The following MBD5 variants were observed in gnomAD, a reference collection of about 807,000 sequenced individuals.
MBD5 encodes methyl-CpG-binding domain protein 5.
MBD5 carries 13 observed loss-of-function variants against 117.3 expected under a neutral mutation model. The observed-to-expected ratio is 0.11, with a 90% CI of 0.07 to 0.18. MBD5 has a LOEUF of 0.18. MBD5 is among the 10% of genes least tolerant of loss of function. The pLI, the probability that MBD5 is intolerant of heterozygous loss-of-function variation, is 1.00. For synonymous variants in MBD5, 727 were observed against 766.4 expected (o/e 0.95, Z 0.85); for missense variants, 1,879 against 2,093.8 (o/e 0.90, Z 2.00).
chr2:148,374,485 T>C (rs1703941926), intron 4 of MBD5, among the ~76,000 whole-genome samples: 1 of 152,198 alleles, frequency 6.6e-6, no homozygotes, highest in Non-Finnish European at 1.5e-5. Flanking sequence ...TTTTTATTAC[T>C]TCCATAAATT....
At chr2:148,076,601 T>G (rs1273217935) in intron 1 of MBD5, among the ~76,000 whole-genome samples, 1 of 152,204 alleles carries the variant, frequency 6.6e-6, no homozygotes, top group Non-Finnish European at 1.5e-5. Flanking sequence ...AGCTGTGAAG[T>G]TAGTCTTCTA....
At position 148,294,970 on chromosome 2, in the gene MBD5, C is replaced by T. The variant is rs78019809; in HGVS notation, c.-679-47244C>T. 2.6e-5 allele frequency among the ~76,000 whole-genome samples: 4 copies of T among 152,228 alleles called. No homozygotes were observed. In the East Asian group the frequency reaches 7.7e-4, roughly 29 times the overall value. On this transcript the variant is annotated intron_variant, in intron 3 of 13. Transcript: ENST00000642680. ...GTGAGAAATTATTTTTCTCTTACTG[C>T]GTTCAAGATTTTCTCTCCCTTGAAC...
At chr2:148,483,079 G>A (rs1681210188) in intron 8 of MBD5, 31 bp from the exon 9 acceptor site, 1 of 1,547,492 alleles carries the variant, frequency 6.5e-7, no homozygotes, top group Non-Finnish European at 8.6e-7. Flanking sequence ...ATTAATAACT[G>A]GGTTTTGTGT....
In MBD5 at chr2:148,490,018, A is replaced by G; in HGVS notation, c.4386A>G (p.Glu1462=). 1 of 1,614,042 alleles carries G rather than the reference A, an allele frequency of 6.2e-7. No individual in the cohort carries two copies. ...PGHIHSSPCH[E]RPNNVSTLPF... The stretch of plus-strand genomic sequence containing the variant: ...ATATCCACAGTAGTCCTTGTCATGA[A>G]AGGCCCAACAATGTCTCTACACTGC... The change falls in exon 11 of 14, where the codon GAA becomes GAG. Residue 1462 remains glutamate, a synonymous_variant. Coordinates refer to ENST00000642680, the MANE Select transcript of MBD5 (RefSeq NM_001378120.1).
intron 1 of MBD5, chr2:148,056,175 T>A (rs1314347905): frequency 6.6e-6 from 1 of 152,156 alleles, no homozygotes; most frequent in Non-Finnish European, 1.5e-5. Context: ...TGCAGTTGTC[T>A]TTTGTACATT....
At chr2:148,226,194 T>C (rs545067855) in intron 2 of MBD5, among the ~76,000 whole-genome samples, 6 of 152,204 alleles carry the variant, frequency 3.9e-5, no homozygotes, top group South Asian at 4.2e-4. Flanking sequence ...ATATGTGCCA[T>C]GTTGGTGTGC....
chr2:148,088,056 A>G (rs1343354310), intron 1 of MBD5, among the ~76,000 whole-genome samples: 4 of 152,190 alleles, frequency 2.6e-5, no homozygotes, highest in Non-Finnish European at 5.9e-5. Context: ...AGATAGACTT[A>G]GAGAAATACA....
chr2:148,426,383 A>G (rs200539353), intron 4 of MBD5, among the ~76,000 whole-genome samples: 36,005 of 150,164 alleles, frequency 0.24, 4,516 homozygotes, highest in African/African-American at 0.38. Context: ...GAGGCATCAC[A>G]CTACCTGACT....
intron 1 of MBD5, among the ~76,000 whole-genome samples, chr2:148,036,788 C>T (rs1694206802): frequency 6.6e-6 from 1 of 151,964 alleles, no homozygotes; most frequent in African/African-American, 2.4e-5. Flanking sequence ...TTTTGAACAG[C>T]ACTAGATTTA....
At position 148,226,234 on chromosome 2, in the gene MBD5, G is replaced by C. The variant is rs546473578; in HGVS notation, c.-830-7011G>C. ...CCCATTAACTTGTCATTTAGCATTAGGTATATCTCCTAATGCTATCCCTCC... is the reference window on the plus strand; with the variant it reads ...CCCATTAACTTGTCATTTAGCATTACGTATATCTCCTAATGCTATCCCTCC... On this transcript the variant is annotated intron_variant, in intron 2 of 13. Coordinates refer to ENST00000642680, the MANE Select transcript of MBD5 (RefSeq NM_001378120.1). Among the ~76,000 whole-genome samples, 204 of 151,902 alleles carry C rather than the reference G, an allele frequency of 1.3e-3. 1 individual carries two copies. The highest frequency in any genetic ancestry group is 2.0e-3 in the Non-Finnish European group (133 of 67,972).
intron 4 of MBD5, among the ~76,000 whole-genome samples, chr2:148,361,714 A>ATGGTGGTGGC (rs1458207423): frequency 1.3e-5 from 2 of 152,198 alleles, no homozygotes; most frequent in Non-Finnish European, 2.9e-5. Context: ...GAGCATCAAA[A>ATGGTGGTGGC]TGGTGGTGGC....
At chr2:148,376,720 A>G (rs1703997383) in intron 4 of MBD5, among the ~76,000 whole-genome samples, 1 of 141,714 alleles carries the variant, frequency 7.1e-6, no homozygotes, top group South Asian at 2.1e-4. Flanking sequence ...CCTATTATAT[A>G]TCTAATATAT....
chr2:148,217,026 C>T (rs1362781929), intron 2 of MBD5, among the ~76,000 whole-genome samples: 1 of 152,166 alleles, frequency 6.6e-6, no homozygotes, highest in Non-Finnish European at 1.5e-5. Context: ...TGCTGTCATA[C>T]CATAGATTCA....
chr2:148,445,689 C>G (rs1027189370), intron 4 of MBD5, among the ~76,000 whole-genome samples: 1 of 151,282 alleles, frequency 6.6e-6, no homozygotes, highest in East Asian at 1.9e-4. Flanking sequence ...ATTTCTAGTT[C>G]TAGATCCTTG....
intron 1 of MBD5, among the ~76,000 whole-genome samples, chr2:148,150,115 G>A (rs1190037833): frequency 8.3e-6 from 1 of 120,004 alleles, no homozygotes; most frequent in African/African-American, 3.1e-5. Context: ...ATTGATTTTT[G>A]TATAAGGTGT....
intron 1 of MBD5, among the ~76,000 whole-genome samples, chr2:148,042,892 C>G (rs1353544923): frequency 6.6e-6 from 1 of 152,094 alleles, no homozygotes; most frequent in East Asian, 1.9e-4. Flanking sequence ...TTAGGGCTTC[C>G]TGAGGCAATG....
intron 3 of MBD5, chr2:148,264,847 T>C (rs1219729051): frequency 4.6e-5 from 7 of 152,312 alleles, no homozygotes; most frequent in Admixed American, 4.6e-4. Flanking sequence ...GACTGCAGCT[T>C]CCATGAGTAA....
intron 1 of MBD5, among the ~76,000 whole-genome samples, chr2:148,033,521 C>A (rs1694100566): frequency 6.6e-6 from 1 of 152,006 alleles, no homozygotes; most frequent in Admixed American, 6.6e-5. Context: ...TAGTTTCTGT[C>A]TGTATTAAGT....
intron 11 of MBD5, among the ~76,000 whole-genome samples, chr2:148,492,938 G>T (rs1448839406): frequency 6.6e-6 from 1 of 152,010 alleles, no homozygotes; most frequent in East Asian, 1.9e-4. Context: ...AACCAATTTT[G>T]ATGTAATTTT....
Sources: allele counts gnomAD v4.1 joint callset (sites outside exome capture counted in the v4.1 genomes callset), GRCh38; gene constraint gnomAD v4.1.1; transcripts MANE v1.5; gene names NCBI Gene and HGNC (gene_info 2026-07-23, HGNC 2026-07-21).